Variants in ABCA3 observed in about 807,000 individuals in gnomAD.
ABCA3 encodes the protein phospholipid-transporting ATPase ABCA3.
ABCA3 carries 88 observed loss-of-function variants against 172.8 expected under a neutral mutation model. That is an observed-to-expected ratio of 0.51 (90% CI 0.43 to 0.61). The LOEUF (loss-of-function observed/expected upper bound fraction) is 0.61, where lower values mean the gene tolerates loss of function less well. ABCA3 is among the 20% of genes least tolerant of loss of function. The pLI is 0.00. For missense variants in ABCA3, 2,164 were observed against 2,301.0 expected (o/e 0.94, Z 1.22); for synonymous variants, 1,066 against 983.8 (o/e 1.08, Z -1.56).
At position 2,278,194 on chromosome 16, in the gene ABCA3, C is replaced by G; in HGVS notation, c.4718+94G>C. On this transcript the variant is annotated intron_variant, in intron 30 of 32. Coordinates refer to ENST00000301732, the MANE Select transcript of ABCA3 (RefSeq NM_001089.3). This position sits in a 1 kb window ranked among gnomAD's most constrained non-coding sequence, Gnocchi z 4.4. ...GCTCAGTGTGGCTCACGGGCAGACT[C>G]TGCACCAGATGCTGATGGGTCTCCT... is the stretch of plus-strand genomic sequence containing the variant. 3 of 1,597,794 alleles carry G rather than the reference C, an allele frequency of 1.9e-6. No homozygotes were observed. Among genetic ancestry groups the G allele is most frequent in the Non-Finnish European group, 2.6e-6 (3 of 1,175,954 alleles).
chr16:2,337,769 GGAGGCTGGTTT>G (rs1408370805), intron 1 of ABCA3, among the ~76,000 whole-genome samples: 1 of 152,208 alleles, frequency 6.6e-6, no homozygotes, highest in African/African-American at 2.4e-5. Context: ...TGAGAGCTGG[GGAGGCTGGTTT>G]GAGGCTGTGG....
At position 2,277,165 on chromosome 16, in the gene ABCA3, A is replaced by G. The variant is rs1035174713; in HGVS notation, c.4984-360T>C. 1.2e-4 allele frequency among the ~76,000 whole-genome samples: 18 copies of G among 152,116 alleles called. No individual in the cohort carries two copies. The highest frequency in any genetic ancestry group is 2.2e-4 in the Non-Finnish European group (15 of 68,012). ...GGCTGGAGTGCAGTGGCACAATCAT[A>G]GCTCACTGCAGTCTCGAACTCCCAG... On this transcript the variant is annotated intron_variant, in intron 32 of 32. Transcript: ENST00000301732. This position sits in a 1 kb window ranked among gnomAD's most constrained non-coding sequence, Gnocchi z 5.3.
chr16:2,312,840 AT>A (rs879305970), intron 10 of ABCA3, among the ~76,000 whole-genome samples: 88 of 143,334 alleles, frequency 6.1e-4, no homozygotes, highest in East Asian at 1.0e-3. Flanking sequence ...CCGAAATTGC[AT>A]TTTTTTTTTT....
chr16:2,324,031 C>T (rs2093730260), intron 6 of ABCA3, among the ~76,000 whole-genome samples: 1 of 152,202 alleles, frequency 6.6e-6, no homozygotes, highest in East Asian at 1.9e-4. Context: ...AAGCAAAAAC[C>T]TCACTTTCTT....
In ABCA3 at chr16:2,319,734, C is replaced by T. The variant is rs374280659; in HGVS notation, c.720G>A (p.Val240=). 1 of 1,613,912 alleles carries T rather than the reference C, an allele frequency of 6.2e-7. No individual in the cohort carries two copies. The highest frequency in any genetic ancestry group is 1.3e-5 in the African/African-American group (1 of 75,018). Residue 240 remains valine, a synonymous_variant, in exon 8 of 33, where the codon GTG becomes GTA. Coordinates refer to ENST00000301732, the MANE Select transcript of ABCA3 (RefSeq NM_001089.3). Reference sequence around the variant, plus strand: ...GCGGGTACGGGAACCTCTTGATGGTCACCGTCAGTCTCTGGAACAGCTGGC... The same window carrying T: ...GCGGGTACGGGAACCTCTTGATGGTTACCGTCAGTCTCTGGAACAGCTGGC... ...ATRQLFQRLT[V]TIKRFPYPPF...
At chr16:2,332,785 G>C in intron 1 of ABCA3, 3 of 722,620 alleles carry the variant, frequency 4.2e-6, no homozygotes, top group Non-Finnish European at 4.5e-6. Context: ...TGCACCATAG[G>C]CTTGAATTTG....
chr16:2,277,470 T>G lies in ABCA3; in HGVS notation c.4983+127A>C. On this transcript the variant is annotated intron_variant, in intron 32 of 32. Transcript: ENST00000301732. This position sits in a 1 kb window ranked among gnomAD's most constrained non-coding sequence, Gnocchi z 5.3. Reference sequence around the variant, plus strand: ...CCAAACCAGCACGTATCAGGCTGAGTGTTAGGGGAGAAATGGAAAGTGACT... The same window carrying G: ...CCAAACCAGCACGTATCAGGCTGAGGGTTAGGGGAGAAATGGAAAGTGACT... 2.1e-6 allele frequency: 2 copies of G among 956,644 alleles called. No individual in the cohort carries two copies. Among genetic ancestry groups the G allele is most frequent in the Non-Finnish European group, 3.3e-6 (2 of 612,680 alleles). The allele number at this position is 956,644 out of a possible 1,614,324, so 59.3% of individuals were successfully genotyped here.
In ABCA3 at chr16:2,277,055, A is replaced by G. The variant is rs1164850042; in HGVS notation, c.4984-250T>C. 2.0e-5 allele frequency among the ~76,000 whole-genome samples: 3 copies of G among 152,118 alleles called. No individual in the cohort carries two copies. Among genetic ancestry groups the G allele is most frequent in the Non-Finnish European group, 4.4e-5 (3 of 68,014 alleles). ...CTGTGCTGTTCCCAGCTCAGATTACAACCTTGAGCCAGTGATGTTCCCTTT... is the reference window on the plus strand; with the variant it reads ...CTGTGCTGTTCCCAGCTCAGATTACGACCTTGAGCCAGTGATGTTCCCTTT... On this transcript the variant is annotated intron_variant, in intron 32 of 32. Transcript: ENST00000301732. This position sits in a 1 kb window ranked among gnomAD's most constrained non-coding sequence, Gnocchi z 5.3.
In ABCA3 at chr16:2,283,112, C is replaced by A. The variant is rs2093657523; in HGVS notation, c.4035+74G>T. 8.0e-6 allele frequency: 12 copies of A among 1,497,078 alleles called. No homozygotes were observed. The highest frequency in any genetic ancestry group is 1.1e-5 in the Non-Finnish European group (12 of 1,094,716). 92.7% of individuals were successfully genotyped at this position (1,497,078 alleles called of 1,614,324 possible). On this transcript the variant is annotated intron_variant, in intron 26 of 32. Coordinates refer to ENST00000301732, the MANE Select transcript of ABCA3 (RefSeq NM_001089.3). The surrounding 1 kb of genome is among the most constrained non-coding windows in gnomAD (Gnocchi z 5.4). ...CTGGTGGAGAAGGAGGTGGAGCTGC[C>A]CCAGGTTGTGCTGGGCCCAAGCAGA...
Position 2,276,483 on chromosome 16 carries a change from G to A in ABCA3, c.*191C>T, listed in dbSNP as rs1472535191. ...CCAGAGTATGCAGACATGGAGATGC[G>A]CATGCTGATCCTGGGCATGAGGGCT... On this transcript the variant is annotated 3_prime_UTR_variant, in exon 33 of 33. Coordinates refer to ENST00000301732, the MANE Select transcript of ABCA3 (RefSeq NM_001089.3). The A allele has an allele frequency of 1.4e-5, 13 of 956,014 alleles. No individual in the cohort carries two copies. Among genetic ancestry groups the A allele is most frequent in the Admixed American group, 2.2e-5 (1 of 46,270 alleles). 59.2% of individuals were successfully genotyped at this position (956,014 alleles called of 1,614,324 possible). A position where few individuals can be genotyped will look rare whatever the true frequency, so the allele number is the denominator to read the frequency against.
At chr16:2,303,130 T>A (rs994582973) in intron 12 of ABCA3, among the ~76,000 whole-genome samples, 4 of 151,848 alleles carry the variant, frequency 2.6e-5, no homozygotes, top group African/African-American at 9.7e-5. Context: ...CTATGCTATA[T>A]GTCCATCCAT....
chr16:2,299,349 T>C, intron 14 of ABCA3, 54 bp downstream of exon 14: 1 of 1,608,092 alleles, frequency 6.2e-7, no homozygotes, highest in East Asian at 2.2e-5. Context: ...GGCGCTGAGA[T>C]GGTGTTAAAG....
rs1001603955 is a variant in ABCA3, at chr16:2,281,316, C to G, written c.4164+65G>C. ...CGCCGAAAGCTTCCAGGGATGGGGTCGGACCCTGGGGACAGCCAGGTAGTC... is the reference window on the plus strand; with the variant it reads ...CGCCGAAAGCTTCCAGGGATGGGGTGGGACCCTGGGGACAGCCAGGTAGTC... On this transcript the variant is annotated intron_variant, in intron 27 of 32. Transcript: ENST00000301732. The surrounding 1 kb of genome is among the most constrained non-coding windows in gnomAD (Gnocchi z 4.7). The G allele has an allele frequency of 6.2e-7, 1 of 1,613,012 alleles. No individual in the cohort carries two copies. The highest frequency in any genetic ancestry group is 8.5e-7 in the Non-Finnish European group (1 of 1,179,820).
intron 1 of ABCA3, chr16:2,332,362 T>G: frequency 1.2e-6 from 1 of 830,420 alleles, no homozygotes; most frequent in South Asian, 1.4e-5. Flanking sequence ...GCTTCTAAAC[T>G]TTTTGGACTC....
At chr16:2,334,830 C>CTT (rs35251447) in intron 1 of ABCA3, among the ~76,000 whole-genome samples, 10 of 131,550 alleles carry the variant, frequency 7.6e-5, no homozygotes, top group Non-Finnish European at 1.3e-4. Context: ...AATATTAGTT[C>CTT]TTTTTTTTTT....
chr16:2,280,488 G>C lies in ABCA3; in HGVS notation c.4359+539C>G, dbSNP rs575988140. Among the ~76,000 whole-genome samples the C allele has an allele frequency of 2.0e-5, 3 of 152,126 alleles. No homozygotes were observed. In the East Asian group the frequency reaches 5.8e-4, roughly 29 times the overall value. The stretch of plus-strand genomic sequence containing the variant: ...CTGGCCCAGGGCCTCTGCTGTCCAG[G>C]CACCCCTGGTGTGAGCTCAGGAGAG... On this transcript the variant is annotated intron_variant, in intron 28 of 32. Coordinates refer to ENST00000301732, the MANE Select transcript of ABCA3 (RefSeq NM_001089.3).
At chr16:2,280,924 T>G (rs2093653956) in intron 28 of ABCA3, 103 bp downstream of exon 28, 1 of 1,473,226 alleles carries the variant, frequency 6.8e-7, no homozygotes, top group South Asian at 1.2e-5. Context: ...AAGCCACAGA[T>G]GCAGCAGCTG....
Position 2,304,165 on chromosome 16 carries a change from A to G in ABCA3, c.1286-15T>C. ...GATGCCCATGCCTGGAAGACACATCAGGAAAGTGGCCCGAAAGCCAGCAGG... is the reference window on the plus strand; with the variant it reads ...GATGCCCATGCCTGGAAGACACATCGGGAAAGTGGCCCGAAAGCCAGCAGG... On this transcript the variant is annotated splice_polypyrimidine_tract_variant and intron_variant, in intron 11 of 32. Transcript: ENST00000301732. The G allele has an allele frequency of 6.2e-7, 1 of 1,614,018 alleles. No individual in the cohort carries two copies. Among genetic ancestry groups the G allele is most frequent in the Non-Finnish European group, 8.5e-7 (1 of 1,180,022 alleles).
chr16:2,308,513 A>C lies in ABCA3; in HGVS notation c.1222T>G (p.Cys408Gly). 2 of 1,614,266 alleles carry C rather than the reference A, an allele frequency of 1.2e-6. No individual in the cohort carries two copies. The highest frequency in any genetic ancestry group is 2.2e-5 in the South Asian group (2 of 91,088). ...WMTLSQKLCS[C>G]LLSNVAMAMG... ...GCCATGGCGACATTAGACAGGAGGCAGGAGCAGAGCTTCTGGCTCAGAGTC... is the reference window on the plus strand; with the variant it reads ...GCCATGGCGACATTAGACAGGAGGCCGGAGCAGAGCTTCTGGCTCAGAGTC... Residue 408 changes from cysteine to glycine, a missense_variant, in exon 11 of 33, where the codon TGC (cysteine) becomes GGC (glycine). Physicochemically the swap from Cys to Gly is radical, Grantham distance 159 (BLOSUM62 -3). Transcript: ENST00000301732.
Sources: allele counts gnomAD v4.1 joint callset (sites outside exome capture counted in the v4.1 genomes callset), GRCh38; gene constraint gnomAD v4.1.1; non-coding constraint Gnocchi (gnomAD v3.1); transcripts MANE v1.5; gene names NCBI Gene and HGNC (gene_info 2026-07-23, HGNC 2026-07-21).